The following SPESP1 variants were observed in gnomAD, a reference collection of about 807,000 sequenced individuals.
The protein encoded by SPESP1 is equatorial segment protein.
Under a neutral mutation model 3.1 loss-of-function variants are expected in SPESP1, and 1 was observed. The observed-to-expected ratio is 0.33, with a 90% CI of 0.12 to 1.54. The LOEUF (loss-of-function observed/expected upper bound fraction) is 1.54, where lower values mean the gene tolerates loss of function less well. SPESP1 is among the 40% of genes most tolerant of loss of function. The probability of loss-of-function intolerance (pLI) is 0.38; values close to 1 mark genes in which losing one functional copy is unlikely to be tolerated. For missense variants in SPESP1, 398 were observed against 410.1 expected, an observed-to-expected ratio of 0.97 and a Z score of 0.26; for synonymous variants, 138 against 150.7, an observed-to-expected ratio of 0.92 and a Z score of 0.62.
At chr15:68,934,410 T>C (rs1397909322) in intron 1 of SPESP1, among the ~76,000 whole-genome samples, 1 of 152,250 alleles carries the variant, frequency 6.6e-6, no homozygotes, top group African/African-American at 2.4e-5. Flanking sequence ...TAAAGTTCAC[T>C]GAGTTCTGGT....
chr15:68,936,108 A>G (rs1346257311), intron 1 of SPESP1, among the ~76,000 whole-genome samples: 4 of 152,224 alleles, frequency 2.6e-5, no homozygotes, highest in Non-Finnish European at 4.4e-5. Context: ...AAAGTTATGG[A>G]CATTCAGCCA....
rs867330449 is a variant in SPESP1, at chr15:68,934,638, T to C, written c.64+3921T>C. 2.0e-5 allele frequency among the ~76,000 whole-genome samples: 3 copies of C among 152,246 alleles called. No individual in the cohort carries two copies. In the South Asian group the frequency reaches 6.2e-4, roughly 32 times the overall value. On this transcript the variant is annotated intron_variant, in intron 1 of 1. Transcript: ENST00000310673. ...ATGGGGGAAAAAAGTCCTGTCTTTC[T>C]GTTCTGTTGATCATATTATCCCTTA...
intron 1 of SPESP1, among the ~76,000 whole-genome samples, chr15:68,936,477 A>T (rs955287861): frequency 1.3e-5 from 2 of 152,222 alleles, no homozygotes; most frequent in African/African-American, 4.8e-5. Flanking sequence ...CACATATCGT[A>T]TGAGTCCATT....
intron 1 of SPESP1, among the ~76,000 whole-genome samples, chr15:68,937,060 G>A (rs1038774074): frequency 2.0e-5 from 3 of 152,042 alleles, no homozygotes; most frequent in African/African-American, 4.8e-5. Context: ...TGGACAATTA[G>A]CCAGAAACTG....
At chr15:68,942,169 C>CTTTTTTTTTTTT (rs778249415) in intron 1 of SPESP1, among the ~76,000 whole-genome samples, 8,479 of 140,344 alleles carry the variant, frequency 0.06, 354 homozygotes, top group East Asian at 0.13. Context: ...CATCTTATTT[C>CTTTTTTTTTTTT]TTTTTTTTTT....
At chr15:68,941,792 T>G (rs1034486681) in intron 1 of SPESP1, among the ~76,000 whole-genome samples, 3 of 152,232 alleles carry the variant, frequency 2.0e-5, no homozygotes, top group African/African-American at 7.2e-5. Context: ...ATATTCATTA[T>G]TTAGCCTACT....
Position 68,945,880 on chromosome 15 carries a change from A to T in SPESP1, c.346A>T (p.Thr116Ser), listed in dbSNP as rs1895946954. ...FTPEIGKKKHTESTPFWSIKP... is the reference protein window; with the variant it reads ...FTPEIGKKKHSESTPFWSIKP... ...ACCGGAAATAGGAAAGAAAAAACAC[A>T]CGGAAAGTACCCCATTCTGGTCGAT... Residue 116 changes from threonine (T) to serine (S), a missense_variant, in exon 2 of 2, where the codon ACG becomes TCG. By Grantham distance (58) the Thr-to-Ser change is moderately conservative (BLOSUM62 1). Coordinates refer to ENST00000310673, the MANE Select transcript of SPESP1 (RefSeq NM_145658.4). 6.2e-7 allele frequency: 1 copy of T among 1,614,014 alleles called. No homozygotes were observed. The highest frequency in any genetic ancestry group is 8.5e-7 in the Non-Finnish European group (1 of 1,180,024).
intron 1 of SPESP1, among the ~76,000 whole-genome samples, chr15:68,937,824 A>T (rs866895939): frequency 1.3e-5 from 2 of 152,180 alleles, no homozygotes; most frequent in South Asian, 4.1e-4. Context: ...TTTAATTTGC[A>T]TATCTTTTAT....
Position 68,937,573 on chromosome 15 carries a change from GT to G in SPESP1, c.64+6859del, listed in dbSNP as rs1435676800. ...ACATAGGCATACGTGTGCCATGGTG[GT>G]TTGCTGCATCTATTGGCCCATCCTT... On this transcript the variant is annotated intron_variant, in intron 1 of 1. Transcript: ENST00000310673. Among the ~76,000 whole-genome samples, 8 of 151,956 alleles carry G rather than the reference GT, an allele frequency of 5.3e-5. No individual in the cohort carries two copies. The East Asian group carries it at 1.4e-3, about 26-fold the overall frequency.
At chr15:68,937,569 G>A (rs2140421648) in intron 1 of SPESP1, among the ~76,000 whole-genome samples, 1 of 151,840 alleles carries the variant, frequency 6.6e-6, no homozygotes, top group South Asian at 2.1e-4. Context: ...CGTGTGCCAT[G>A]GTGGTTTGCT....
Position 68,931,022 on chromosome 15 carries a change from G to A in SPESP1, c.64+305G>A, listed in dbSNP as rs890535529. ...CCCGATCCTTCCCCAGCCATTGGGC[G>A]TGTGACCGTGCAGGGGTCGTGTGAC... On this transcript the variant is annotated intron_variant, in intron 1 of 1. Transcript: ENST00000310673. Among the ~76,000 whole-genome samples the A allele has an allele frequency of 6.6e-5, 10 of 152,322 alleles. No homozygotes were observed. The South Asian group carries it at 1.7e-3, about 25-fold the overall frequency.
At chr15:68,944,841 T>G (rs117388704) in intron 1 of SPESP1, among the ~76,000 whole-genome samples, 378 of 152,256 alleles carry the variant, frequency 2.5e-3, no homozygotes, top group Non-Finnish European at 3.9e-3. Flanking sequence ...CTTTGTTGGG[T>G]TGAAGGCAGT....
Position 68,946,543 on chromosome 15 carries a change from ATG to A in SPESP1, c.1013_1014del (p.Cys338Ter), listed in dbSNP as rs769280658. ...TACAGTATTCAATACATTAAAAAAT[ATG>A]TGTAGATCAAGGAGAGTCACAGCCT... is the stretch of plus-strand genomic sequence containing the variant. ...AATVFNTLKN[M>X]CRSRRVTALL... On this transcript the variant is annotated frameshift_variant, in exon 2 of 2. Transcript: ENST00000310673. LOFTEE classifies it high-confidence loss of function. The A allele has an allele frequency of 1.1e-5, 17 of 1,576,534 alleles. No homozygotes were observed. In the African/African-American group the frequency reaches 2.1e-4, roughly 19 times the overall value.
chr15:68,945,525 G>A, intron 1 of SPESP1, 74 bp from the exon 2 acceptor site: 1 of 1,205,596 alleles, frequency 8.3e-7, no homozygotes, highest in Non-Finnish European at 1.1e-6. Context: ...ATAAATTTTG[G>A]TCAGTAGATT....
At chr15:68,938,367 C>T (rs577866953) in intron 1 of SPESP1, among the ~76,000 whole-genome samples, 7 of 152,054 alleles carry the variant, frequency 4.6e-5, no homozygotes, top group Admixed American at 1.3e-4. Flanking sequence ...TCTGTGTGAA[C>T]GGGATGTATT....
rs1297787464 is a variant in SPESP1 at position 68,946,027 on chromosome 15, G to T, written c.493G>T (p.Val165Phe). ...QTEAPRMLPV[V>F]TESSTSPYVT... ...TGAGGCACCAAGAATGTTGCCAGTT[G>T]TTACTGAATCATCTACAAGTCCATA... The change falls in exon 2 of 2, where the codon GTT (valine) becomes TTT (phenylalanine). Residue 165 changes from valine (V) to phenylalanine (F), a missense_variant. Transcript: ENST00000310673. 1 of 1,614,126 alleles carries T rather than the reference G, an allele frequency of 6.2e-7. No individual in the cohort carries two copies. The highest frequency in any genetic ancestry group is 1.7e-5 in the Admixed American group (1 of 60,018).
chr15:68,941,818 G>A (rs530809885), intron 1 of SPESP1, among the ~76,000 whole-genome samples: 53 of 152,154 alleles, frequency 3.5e-4, no homozygotes, highest in African/African-American at 1.1e-3. Flanking sequence ...TCTTCATATT[G>A]ATTTTGGCAT....
In SPESP1 at chr15:68,946,493, C is replaced by T. The variant is rs1464276244; in HGVS notation, c.959C>T (p.Pro320Leu). The stretch of plus-strand genomic sequence containing the variant: ...GAATATTTAGATATTAAATGTGTTC[C>T]ACCAGAGATGAGAGAAAAAGCTGCT... ...LYEYLDIKCV[P>L]PEMREKAATV... The change falls in exon 2 of 2, where the codon CCA becomes CTA. Residue 320 changes from proline to leucine, a missense_variant. Pro to Leu is a moderately conservative substitution (Grantham distance 98). Transcript: ENST00000310673. 5.0e-6 allele frequency: 8 copies of T among 1,612,426 alleles called. No homozygotes were observed. Among genetic ancestry groups the T allele is most frequent in the African/African-American group, 1.3e-5 (1 of 74,896 alleles).
chr15:68,935,394 G>A (rs1238400882), intron 1 of SPESP1, among the ~76,000 whole-genome samples: 1 of 152,170 alleles, frequency 6.6e-6, no homozygotes, highest in Non-Finnish European at 1.5e-5. Flanking sequence ...GCATTCAGCT[G>A]GAAGTTCAAA....
Sources: allele counts gnomAD v4.1 joint callset (sites outside exome capture counted in the v4.1 genomes callset), GRCh38; gene constraint gnomAD v4.1.1; transcripts MANE v1.5; gene names NCBI Gene and HGNC (gene_info 2026-07-23, HGNC 2026-07-21).